The following ZBTB44 variants were observed in gnomAD, a reference collection of about 807,000 sequenced individuals.
The protein encoded by ZBTB44 is zinc finger and BTB domain-containing protein 44.
ZBTB44 carries 15 observed loss-of-function variants against 54.0 expected under a neutral mutation model. The ratio of observed to expected loss-of-function variants is 0.28; its 90% CI spans 0.19 to 0.43. The LOEUF is 0.43. Ranked by LOEUF, ZBTB44 falls within the 20% of genes least tolerant of loss-of-function variation. ZBTB44 has a pLI of 1.00. For synonymous variants in ZBTB44, 230 were observed against 250.1 expected (o/e 0.92, Z 0.76); for missense variants, 487 against 707.1 (o/e 0.69, Z 3.53).
chr11:130,230,460 G>GT lies in ZBTB44; in HGVS notation c.*1303dup, dbSNP rs1419307536. On this transcript the variant is annotated 3_prime_UTR_variant, in exon 8 of 8. Coordinates refer to ENST00000357899, the MANE Select transcript of ZBTB44 (RefSeq NM_001301098.2). ...GCTAGTTATTAAGAACAAAGGGCAT[G>GT]TGTCGTAACAGGGGATCTAATTACT... The GT allele has an allele frequency of 8.4e-6, 1 of 119,546 alleles. No homozygotes were observed. The highest frequency in any genetic ancestry group is 3.2e-5 in the African/African-American group (1 of 31,590). 7.4% of individuals were successfully genotyped at this position (119,546 alleles called of 1,614,324 possible).
intron 6 of ZBTB44, 39 bp downstream of exon 6, chr11:130,234,117 C>T: frequency 6.5e-7 from 1 of 1,543,592 alleles, no homozygotes. Flanking sequence ...CAAGAGACCC[C>T]AAGGGAAAAG....
chr11:130,275,518 T>C (rs977132604), intron 1 of ZBTB44, among the ~76,000 whole-genome samples: 6 of 152,170 alleles, frequency 3.9e-5, no homozygotes, highest in African/African-American at 1.4e-4. Flanking sequence ...GATTTCTTTT[T>C]TGATCTGTTG....
intron 1 of ZBTB44, among the ~76,000 whole-genome samples, chr11:130,278,090 T>C (rs1013487576): frequency 1.3e-5 from 2 of 152,214 alleles, no homozygotes; most frequent in Non-Finnish European, 2.9e-5. Flanking sequence ...TTTTTCTTAC[T>C]TAGAAAAAGA....
chr11:130,254,711 C>T (rs1285739401), intron 2 of ZBTB44, among the ~76,000 whole-genome samples: 5 of 152,078 alleles, frequency 3.3e-5, no homozygotes, highest in Non-Finnish European at 5.9e-5. Context: ...TTGACCCAGC[C>T]ATCCCATTAC....
rs1953766177 is a variant in ZBTB44, at chr11:130,228,590, G to A, written c.*3174C>T. 6.6e-6 allele frequency: 1 copy of A among 152,162 alleles called. No homozygotes were observed. Among genetic ancestry groups the A allele is most frequent in the Non-Finnish European group, 1.5e-5 (1 of 68,028 alleles). The allele number at this position is 152,162 out of a possible 1,614,324, so 9.4% of individuals were successfully genotyped here. On this transcript the variant is annotated 3_prime_UTR_variant, in exon 8 of 8. Coordinates refer to ENST00000357899, the MANE Select transcript of ZBTB44 (RefSeq NM_001301098.2). ...AACACAGCTTCCACTAATACCAAGG[G>A]AAACGTGCATTAAGAGGAGAGATGA...
chr11:130,237,117 A>C, intron 4 of ZBTB44, 24 bp from the exon 5 acceptor site: 1 of 1,456,328 alleles, frequency 6.9e-7, no homozygotes, highest in Non-Finnish European at 9.1e-7. Flanking sequence ...AAAACAAAAT[A>C]TCTAAAAACA....
At chr11:130,241,863 G>A (rs1461910156) in intron 2 of ZBTB44, among the ~76,000 whole-genome samples, 2 of 152,096 alleles carry the variant, frequency 1.3e-5, no homozygotes, top group African/African-American at 4.8e-5. Context: ...TGTCATGAAA[G>A]GTCTGCCTTC....
At chr11:130,263,846 G>A (rs1235772656) in intron 1 of ZBTB44, among the ~76,000 whole-genome samples, 1 of 152,172 alleles carries the variant, frequency 6.6e-6, no homozygotes, top group African/African-American at 2.4e-5. Flanking sequence ...TCCCCTGCAG[G>A]GAAAGGGGCT....
At chr11:130,238,632 C>G in intron 3 of ZBTB44, 25 bp from the exon 4 acceptor site, 18 of 1,594,870 alleles carry the variant, frequency 1.1e-5, no homozygotes, top group Non-Finnish European at 1.5e-5. Flanking sequence ...CCAAAGAAGG[C>G]AACCAGGCTC....
At chr11:130,302,366 T>A (rs533314480) in intron 1 of ZBTB44, among the ~76,000 whole-genome samples, 1 of 151,880 alleles carries the variant, frequency 6.6e-6, no homozygotes, top group South Asian at 2.1e-4. Context: ...TGGCGGAAAG[T>A]AGAAAGAAGG....
At chr11:130,290,812 T>C (rs1332768136) in intron 1 of ZBTB44, among the ~76,000 whole-genome samples, 1 of 152,188 alleles carries the variant, frequency 6.6e-6, no homozygotes, top group Admixed American at 6.5e-5. Context: ...ATGGGGAAAT[T>C]GAGGCTCAGA....
At chr11:130,250,730 A>T (rs1937929942) in intron 2 of ZBTB44, among the ~76,000 whole-genome samples, 1 of 152,186 alleles carries the variant, frequency 6.6e-6, no homozygotes, top group African/African-American at 2.4e-5. Context: ...AATAACATCA[A>T]CATCAACATC....
At position 130,261,310 on chromosome 11, in the gene ZBTB44, A is replaced by G. The variant is rs1565659584; in HGVS notation, c.564T>C (p.Ile188=). Residue 188 remains isoleucine (I), a synonymous_variant, in exon 2 of 8, where the codon ATT becomes ATC. Transcript: ENST00000357899. This position sits in a 1 kb window ranked among gnomAD's most constrained non-coding sequence, Gnocchi z 4.8. ...TTACAGGACTTTCAGGAGACATAAC[A>G]ATGTAGCTTTTGCGCTTTCTCCGGG... is the stretch of plus-strand genomic sequence containing the variant. ...RESRRKRKSY[I]VMSPESPVKC... 1 of 1,613,864 alleles carries G rather than the reference A, an allele frequency of 6.2e-7. No homozygotes were observed. Among genetic ancestry groups the G allele is most frequent in the Non-Finnish European group, 8.5e-7 (1 of 1,179,882 alleles).
In ZBTB44 at chr11:130,252,100, A is replaced by G. The variant is rs544832175; in HGVS notation, c.1018+8756T>C. On this transcript the variant is annotated intron_variant, in intron 2 of 7. Transcript: ENST00000357899. ...GAATATTTACCAAGCAAATGGAAAG[A>G]AAAAAAAGAAGCAGGGGCTGCAATC... Among the ~76,000 whole-genome samples the G allele has an allele frequency of 9.9e-5, 15 of 152,130 alleles. No homozygotes were observed. In the South Asian group the frequency reaches 2.9e-3, roughly 29 times the overall value.
At chr11:130,308,810 C>T (rs1364478015) in intron 1 of ZBTB44, among the ~76,000 whole-genome samples, 1 of 152,198 alleles carries the variant, frequency 6.6e-6, no homozygotes, top group African/African-American at 2.4e-5. Context: ...TGCAAGCATT[C>T]TCCATCTTCC....
intron 1 of ZBTB44, among the ~76,000 whole-genome samples, chr11:130,270,945 G>C (rs1315362428): frequency 1.3e-5 from 2 of 152,192 alleles, no homozygotes; most frequent in African/African-American, 4.8e-5. Context: ...TCATTCTGCT[G>C]AATTTATCAG....
intron 1 of ZBTB44, among the ~76,000 whole-genome samples, chr11:130,280,619 CAGA>C (rs1047591383): frequency 3.9e-5 from 6 of 152,150 alleles, no homozygotes; most frequent in Non-Finnish European, 8.8e-5. Context: ...TATGCAGTAA[CAGA>C]AGAATAGTCA....
At chr11:130,306,138 C>T (rs1942252003) in intron 1 of ZBTB44, among the ~76,000 whole-genome samples, 1 of 152,062 alleles carries the variant, frequency 6.6e-6, no homozygotes, top group South Asian at 2.1e-4. Context: ...GAAAAGGGAA[C>T]ACTTTTACAC....
Position 130,234,186 on chromosome 11 carries a change from G to T in ZBTB44, c.1656C>A (p.Asn552Lys), listed in dbSNP as rs901271741. The T allele has an allele frequency of 1.3e-5, 20 of 1,535,218 alleles. No individual in the cohort carries two copies. Among genetic ancestry groups the T allele is most frequent in the Non-Finnish European group, 1.8e-5 (20 of 1,140,718 alleles). Residue 552 changes from asparagine (N) to lysine (K), a missense_variant, in exon 6 of 8, where the codon AAC (asparagine) becomes AAA (lysine). Around this residue, in one of 3 missense-constraint regions of ZBTB44, gnomAD observed 120 missense variants for 240.3 expected, o/e 0.50. Coordinates refer to ENST00000357899, the MANE Select transcript of ZBTB44 (RefSeq NM_001301098.2). ...YDLGEHGFES[N>K]SSVQMPVISQ... is the part of the protein sequence containing the mutation. The stretch of plus-strand genomic sequence containing the variant: ...AAATGACAGGCATTTGAACAGAGGA[G>T]TTGCTTTCAAAACCGTGTTCTCCAA...
Sources: gnomAD v4.1 joint callset for allele counts (sites outside exome capture counted in the v4.1 genomes callset) on GRCh38, gnomAD v4.1.1 for gene constraint, gnomAD v4.1.1 regional missense constraint, Gnocchi (gnomAD v3.1) non-coding constraint, MANE v1.5 for transcripts, NCBI Gene and HGNC (gene_info 2026-07-23, HGNC 2026-07-21) for gene names.